Variants in WWOX observed in about 807,000 individuals in gnomAD.
WWOX encodes WW domain-containing oxidoreductase.
WWOX carries 69 observed loss-of-function variants against 46.2 expected under a neutral mutation model. That is an observed-to-expected ratio of 1.49 (90% CI 1.23 to 1.82). The LOEUF (loss-of-function observed/expected upper bound fraction) is 1.82. Among genes scored for constraint, WWOX ranks in the 40% most tolerant of loss-of-function variants. The pLI is 0.00. For missense variants in WWOX, 919 were observed against 542.6 expected, an observed-to-expected ratio of 1.69 and a Z score of -6.89; for synonymous variants, 359 against 202.6, an observed-to-expected ratio of 1.77 and a Z score of -6.56.
chr16:78,721,060 G>T (rs760718281), intron 8 of WWOX, among the ~76,000 whole-genome samples: 2 of 152,024 alleles, frequency 1.3e-5, no homozygotes, highest in African/African-American at 2.4e-5. Flanking sequence ...GATTGAGGTC[G>T]TTTATTGGTG....
chr16:79,093,046 C>G (rs567862040), intron 8 of WWOX, among the ~76,000 whole-genome samples: 1 of 152,298 alleles, frequency 6.6e-6, no homozygotes, highest in South Asian at 2.1e-4. Flanking sequence ...CTACTTTTTA[C>G]CTAGCAGTTC....
At chr16:78,593,122 T>C (rs1196405723) in intron 8 of WWOX, among the ~76,000 whole-genome samples, 1 of 152,146 alleles carries the variant, frequency 6.6e-6, no homozygotes, top group Non-Finnish European at 1.5e-5. Flanking sequence ...TGGGAGTTTG[T>C]GCCAAACCAG....
intron 8 of WWOX, among the ~76,000 whole-genome samples, chr16:79,041,029 G>A (rs1292734459): frequency 1.3e-5 from 2 of 151,804 alleles, no homozygotes; most frequent in Admixed American, 1.3e-4. Context: ...GCATTTCACC[G>A]TTCTGAGCTT....
chr16:79,042,453 A>G (rs1054072251), intron 8 of WWOX, among the ~76,000 whole-genome samples: 1 of 152,180 alleles, frequency 6.6e-6, no homozygotes, highest in Admixed American at 6.5e-5. Context: ...CTGGTTATTT[A>G]TCTTCCTCTG....
At chr16:78,593,739 AGAGAGAGAG>A (rs1567667231) in intron 8 of WWOX, among the ~76,000 whole-genome samples, 1 of 3,452 alleles carries the variant, frequency 2.9e-4, no homozygotes, top group African/African-American at 3.9e-4. Context: ...AAAAAAAAAG[AGAGAGAGAG>A]AGAGAGAGAC....
chr16:78,881,823 G>A (rs117050063), intron 8 of WWOX, among the ~76,000 whole-genome samples: 1,757 of 152,168 alleles, frequency 0.012, 25 homozygotes, highest in Middle Eastern at 0.024. Context: ...TTTTCTTCTC[G>A]AATTAGAAGA....
intron 8 of WWOX, among the ~76,000 whole-genome samples, chr16:78,473,919 G>C (rs1271180500): frequency 1.3e-5 from 2 of 152,190 alleles, no homozygotes; most frequent in South Asian, 2.1e-4. Context: ...GGGATGATGA[G>C]AAAGTGGCCT....
At chr16:78,603,655 C>A (rs1031057421) in intron 8 of WWOX, among the ~76,000 whole-genome samples, 1 of 152,146 alleles carries the variant, frequency 6.6e-6, no homozygotes, top group African/African-American at 2.4e-5. Flanking sequence ...GATTGTGCCA[C>A]TGCACTCCAA....
chr16:78,304,823 T>C (rs1357873805), intron 5 of WWOX, among the ~76,000 whole-genome samples: 1 of 152,230 alleles, frequency 6.6e-6, no homozygotes, highest in African/African-American at 2.4e-5. Context: ...TTCTGTACAA[T>C]ATGGCCAACT....
chr16:78,737,503 TGATGATTTCTGA>T (rs1174020159), intron 8 of WWOX, among the ~76,000 whole-genome samples: 1 of 152,004 alleles, frequency 6.6e-6, no homozygotes, highest in Non-Finnish European at 1.5e-5. Flanking sequence ...AGTTCTTTAG[TGATGATTTCTGA>T]GATTTTGATG....
chr16:79,003,439 G>A (rs1414216578), intron 8 of WWOX, among the ~76,000 whole-genome samples: 1 of 152,148 alleles, frequency 6.6e-6, no homozygotes, highest in Non-Finnish European at 1.5e-5. Flanking sequence ...GAGTAACAAG[G>A]TGTACCCCTC....
At chr16:78,960,071 G>A (rs1313369820) in intron 8 of WWOX, among the ~76,000 whole-genome samples, 2 of 152,192 alleles carry the variant, frequency 1.3e-5, no homozygotes, top group African/African-American at 4.8e-5. Flanking sequence ...CAGACTAAAT[G>A]GCTACAGGTC....
At chr16:78,419,915 G>A (rs181433437) in intron 6 of WWOX, among the ~76,000 whole-genome samples, 363 of 152,086 alleles carry the variant, frequency 2.4e-3, no homozygotes, top group Middle Eastern at 6.8e-3. Context: ...TTTGTATCTA[G>A]AATAAAGAAC....
intron 8 of WWOX, among the ~76,000 whole-genome samples, chr16:79,139,771 A>C (rs2050052918): frequency 6.6e-6 from 1 of 152,228 alleles, no homozygotes; most frequent in Non-Finnish European, 1.5e-5. Context: ...GTCCAATAAA[A>C]GAGGCAGAAA....
At chr16:78,697,279 C>A (rs965374370) in intron 8 of WWOX, among the ~76,000 whole-genome samples, 2 of 152,176 alleles carry the variant, frequency 1.3e-5, no homozygotes, top group Admixed American at 6.5e-5. Context: ...ACATTCCCAC[C>A]AGCAGTGTAG....
intron 8 of WWOX, among the ~76,000 whole-genome samples, chr16:78,803,305 G>C (rs11648549): frequency 6.6e-6 from 1 of 151,876 alleles, no homozygotes; most frequent in Non-Finnish European, 1.5e-5. Context: ...TGGCTTCGCA[G>C]AGTATTTATT....
At chr16:78,829,686 C>A (rs1267650823) in intron 8 of WWOX, among the ~76,000 whole-genome samples, 1 of 152,164 alleles carries the variant, frequency 6.6e-6, no homozygotes, top group Non-Finnish European at 1.5e-5. Context: ...ATGTCTCATT[C>A]AGTTCCCCTA....
chr16:78,658,201 C>G (rs1478548252), intron 8 of WWOX, among the ~76,000 whole-genome samples: 1 of 152,200 alleles, frequency 6.6e-6, no homozygotes, highest in East Asian at 1.9e-4. Flanking sequence ...AAAATCACCC[C>G]TGGATGAGAA....
intron 5 of WWOX, among the ~76,000 whole-genome samples, chr16:78,248,441 C>T (rs1430277385): frequency 6.6e-6 from 1 of 152,168 alleles, no homozygotes; most frequent in African/African-American, 2.4e-5. Context: ...TTAGGGATTA[C>T]ATTTGGACAT....
Sources: allele counts gnomAD v4.1 joint callset (sites outside exome capture counted in the v4.1 genomes callset), GRCh38; gene constraint gnomAD v4.1.1; transcripts MANE v1.5; gene names NCBI Gene and HGNC (gene_info 2026-07-23, HGNC 2026-07-21).